SLC44A4: variants seen among roughly 807,000 people sequenced by gnomAD.
The protein encoded by SLC44A4 is solute carrier family 44 member 4, also known as choline transporter-like protein 4.
Under a neutral mutation model 97.0 loss-of-function variants are expected in SLC44A4, and 74 were observed. The observed-to-expected ratio is 0.76, with a 90% CI of 0.63 to 0.93. SLC44A4 has a LOEUF of 0.93. SLC44A4 is among the 40% of genes least tolerant of loss of function. The probability of loss-of-function intolerance (pLI) is 0.00; values close to 1 mark genes in which losing one functional copy is unlikely to be tolerated. For synonymous variants in SLC44A4, 325 were observed against 363.8 expected (o/e 0.89, Z 1.21); for missense variants, 799 against 902.9 (o/e 0.88, Z 1.48).
chr6:31,871,112 C>T (rs567644634), intron 9 of SLC44A4, 65 bp from the exon 10 acceptor site: 2 of 1,444,636 alleles, frequency 1.4e-6, no homozygotes, highest in Non-Finnish European at 9.5e-7. Context: ...CTTACAGAGG[C>T]CCTCCCTGCC....
At position 31,874,439 on chromosome 6, in the gene SLC44A4, G is replaced by A. The variant is rs750699504; in HGVS notation, c.529+21C>T. 1.9e-6 allele frequency: 3 copies of A among 1,612,178 alleles called. No individual in the cohort carries two copies. The East Asian group carries it at 6.7e-5, about 36-fold the overall frequency. On this transcript the variant is annotated intron_variant, in intron 7 of 20. Transcript: ENST00000229729. The surrounding 1 kb of genome is among the most constrained non-coding windows in gnomAD (Gnocchi z 4.8). ...AACACTGGACTAGATGACGTCTGAGGAAGGAATCTGTGCTTCTCACCTGGA... is the reference window on the plus strand; with the variant it reads ...AACACTGGACTAGATGACGTCTGAGAAAGGAATCTGTGCTTCTCACCTGGA...
intron 20 of SLC44A4, among the ~76,000 whole-genome samples, chr6:31,864,247 T>G (rs1229910441): frequency 6.6e-6 from 1 of 152,128 alleles, no homozygotes. Flanking sequence ...GCTAATTTTT[T>G]GTATTTTTAG....
rs1763434838 is a variant in SLC44A4, at chr6:31,876,156, G to A, written c.90-27C>T. The A allele has an allele frequency of 1.3e-6, 2 of 1,592,888 alleles. No homozygotes were observed. Among genetic ancestry groups the A allele is most frequent in the Non-Finnish European group, 1.7e-6 (2 of 1,165,474 alleles). The stretch of plus-strand genomic sequence containing the variant: ...TGAGAGAGAAACGAAACGGGAGGCT[G>A]AGCTAAGGAGACTTGGGGAGGTAGG... On this transcript the variant is annotated intron_variant, in intron 2 of 20. Coordinates refer to ENST00000229729, the MANE Select transcript of SLC44A4 (RefSeq NM_025257.3). The surrounding 1 kb of genome is among the most constrained non-coding windows in gnomAD (Gnocchi z 4.8).
At chr6:31,872,140 T>C (rs1763211334) in intron 7 of SLC44A4, among the ~76,000 whole-genome samples, 1 of 152,184 alleles carries the variant, frequency 6.6e-6, no homozygotes, top group African/African-American at 2.4e-5. Context: ...CCCACCTCCT[T>C]TGGCAACTGT....
At chr6:31,869,861 T>C (rs994073363) in intron 11 of SLC44A4, among the ~76,000 whole-genome samples, 3 of 152,120 alleles carry the variant, frequency 2.0e-5, no homozygotes, top group Non-Finnish European at 2.9e-5. Flanking sequence ...GGCGGGCGCC[T>C]GTAGTGCCAG....
rs5875335 is a variant in SLC44A4, at chr6:31,864,579, C to CAA, written c.2011+71_2011+72dup. Reference sequence around the variant, plus strand: ...ATTGTTTCTAGAAGCACCAAATCTCCAAAAAAAAAAAAAAATGCTTGAACG... The same window carrying CAA: ...ATTGTTTCTAGAAGCACCAAATCTCCAAAAAAAAAAAAAAAAATGCTTGAACG... On this transcript the variant is annotated intron_variant, in intron 20 of 20. Transcript: ENST00000229729. 6.1e-3 allele frequency: 7,613 copies of CAA among 1,251,968 alleles called. 30 individuals are homozygous for CAA. The highest frequency in any genetic ancestry group is 0.042 in the South Asian group (3,261 of 77,734). The allele number at this position is 1,251,968 out of a possible 1,614,324, so 77.6% of individuals were successfully genotyped here. A position where few individuals can be genotyped will look rare whatever the true frequency, so the allele number is the denominator to read the frequency against.
At chr6:31,872,097 C>T (rs1763208756) in intron 7 of SLC44A4, among the ~76,000 whole-genome samples, 1 of 152,162 alleles carries the variant, frequency 6.6e-6, no homozygotes, top group Non-Finnish European at 1.5e-5. Context: ...CCAGCTCCAT[C>T]TCACCTCCTC....
At position 31,870,795 on chromosome 6, in the gene SLC44A4, G is replaced by A. The variant is rs1466205932; in HGVS notation, c.937+17C>T. The A allele has an allele frequency of 1.2e-6, 2 of 1,612,648 alleles. No homozygotes were observed. The highest frequency in any genetic ancestry group is 2.7e-5 in the African/African-American group (2 of 74,930). ...TCCTTGGGCAGCTGGTGGCTTGGGG[G>A]TGGGCAGGACACTCACGGGCGGCCA... On this transcript the variant is annotated intron_variant, in intron 10 of 20. Transcript: ENST00000229729.
In SLC44A4 at chr6:31,874,338, C is replaced by T; in HGVS notation, c.529+122G>A. 1 of 1,059,656 alleles carries T rather than the reference C, an allele frequency of 9.4e-7. No individual in the cohort carries two copies. Among genetic ancestry groups the T allele is most frequent in the Non-Finnish European group, 1.4e-6 (1 of 697,430 alleles). The allele number at this position is 1,059,656 out of a possible 1,614,324, so 65.6% of individuals were successfully genotyped here. Reference sequence around the variant, plus strand: ...CAAAGAGCAAAATGAAGACCTGATGCTAATTCCAATTTTGCCACCAACAAG... The same window carrying T: ...CAAAGAGCAAAATGAAGACCTGATGTTAATTCCAATTTTGCCACCAACAAG... On this transcript the variant is annotated intron_variant, in intron 7 of 20. Transcript: ENST00000229729. The surrounding 1 kb of genome is among the most constrained non-coding windows in gnomAD (Gnocchi z 4.8).
Position 31,864,816 on chromosome 6 carries a change from C to T in SLC44A4, c.1926G>A (p.Met642Ile), listed in dbSNP as rs759747001. ...AGCAGCAGAGAGGGGAGTCACTCAC[C>T]ATGATGGGCAGCCAGTAATAGTTGA... ...PHLNYYWLPI[M>I]TSILGAYVIA... Residue 642 changes from methionine (M) to isoleucine (I), a missense_variant and splice_region_variant, in exon 19 of 21, where the codon ATG becomes ATA. Transcript: ENST00000229729. 2.5e-6 allele frequency: 4 copies of T among 1,613,934 alleles called. No individual in the cohort carries two copies. The highest frequency in any genetic ancestry group is 3.3e-5 in the Admixed American group (2 of 59,990).
At position 31,865,683 on chromosome 6, in the gene SLC44A4, G is replaced by C. The variant is rs774853530; in HGVS notation, c.1582+7C>G. 16 of 1,612,994 alleles carry C rather than the reference G, an allele frequency of 9.9e-6. No homozygotes were observed. Among genetic ancestry groups the C allele is most frequent in the Non-Finnish European group, 1.2e-5 (14 of 1,179,966 alleles). On this transcript the variant is annotated splice_region_variant and intron_variant, in intron 15 of 20. Coordinates refer to ENST00000229729, the MANE Select transcript of SLC44A4 (RefSeq NM_025257.3). This position sits in a 1 kb window ranked among gnomAD's most constrained non-coding sequence, Gnocchi z 5.2. ...GCTCCTGACTCCTACTCCGACTCCA[G>C]ACTCACCTCTGAGCTTGTGGTCAAT...
chr6:31,870,998 G>A lies in SLC44A4; in HGVS notation c.751C>T (p.Arg251Cys), dbSNP rs749880296. 2.4e-5 allele frequency: 38 copies of A among 1,612,336 alleles called. 1 individual carries two copies. The highest frequency in any genetic ancestry group is 1.6e-4 in the Middle Eastern group (1 of 6,084). ...AGCACCAGGGGCCCAGCCACCAGGCGCAGAAGCAAGATAAACAGTAGGCTC... is the reference window on the plus strand; with the variant it reads ...AGCACCAGGGGCCCAGCCACCAGGCACAGAAGCAAGATAAACAGTAGGCTC... ...VLSLLFILLL[R>C]LVAGPLVLVL... The change falls in exon 10 of 21, where the codon CGC (arginine) becomes TGC (cysteine). Residue 251 changes from arginine to cysteine, a missense_variant. This residue lies in a region of SLC44A4 where 409 missense variants were observed against 434.1 expected (regional missense o/e 0.94). Coordinates refer to ENST00000229729, the MANE Select transcript of SLC44A4 (RefSeq NM_025257.3).
rs372075199 is a variant in SLC44A4 at position 31,864,616 on chromosome 6, T to C, written c.2011+36A>G. 330 of 1,594,050 alleles carry C rather than the reference T, an allele frequency of 2.1e-4. No homozygotes were observed. In the African/African-American group the frequency reaches 4.1e-3, roughly 20 times the overall value. ...AAAATGCTTGAACGGCTCAGTACTT[T>C]AAGGTTGGGGACAGGTGGCTGGGGG... On this transcript the variant is annotated intron_variant, in intron 20 of 20. Transcript: ENST00000229729.
In SLC44A4 at chr6:31,878,919, C is replaced by T; in HGVS notation, c.40+22G>A. 2 of 1,613,744 alleles carry T rather than the reference C, an allele frequency of 1.2e-6. No homozygotes were observed. Among genetic ancestry groups the T allele is most frequent in the Non-Finnish European group, 1.7e-6 (2 of 1,179,746 alleles). ...CGTCCTCCCCTCCCTCCACAGGGTC[C>T]CGGGCCTCGCCCCAGTCTCACCGTA... is the stretch of plus-strand genomic sequence containing the variant. On this transcript the variant is annotated intron_variant, in intron 1 of 20. Coordinates refer to ENST00000229729, the MANE Select transcript of SLC44A4 (RefSeq NM_025257.3). This position sits in a 1 kb window ranked among gnomAD's most constrained non-coding sequence, Gnocchi z 4.0.
chr6:31,863,517 G>T lies in SLC44A4; in HGVS notation c.*110C>A, dbSNP rs1762663605. 1.4e-6 allele frequency: 2 copies of T among 1,427,436 alleles called. No individual in the cohort carries two copies. Among genetic ancestry groups the T allele is most frequent in the East Asian group, 2.6e-5 (1 of 38,348 alleles). The allele number at this position is 1,427,436 out of a possible 1,614,324, so 88.4% of individuals were successfully genotyped here. A position where few individuals can be genotyped will look rare whatever the true frequency, so the allele number is the denominator to read the frequency against. ...TTGGATTACAGGCGTGAGCCACGGCGCCTGGCCTAAAACCTTTTTTTACCA... is the reference window on the plus strand; with the variant it reads ...TTGGATTACAGGCGTGAGCCACGGCTCCTGGCCTAAAACCTTTTTTTACCA... On this transcript the variant is annotated 3_prime_UTR_variant, in exon 21 of 21. Coordinates refer to ENST00000229729, the MANE Select transcript of SLC44A4 (RefSeq NM_025257.3).
chr6:31,873,035 C>A (rs1458760205), intron 7 of SLC44A4, among the ~76,000 whole-genome samples: 1 of 152,160 alleles, frequency 6.6e-6, no homozygotes, highest in Non-Finnish European at 1.5e-5. Flanking sequence ...CACCACCACA[C>A]CTGGCTAATT....
Position 31,877,731 on chromosome 6 carries a change from G to T in SLC44A4, c.41-649C>A. 1 of 593,574 alleles carries T rather than the reference G, an allele frequency of 1.7e-6. No individual in the cohort carries two copies. Among genetic ancestry groups the T allele is most frequent in the Non-Finnish European group, 2.1e-6 (1 of 471,780 alleles). The allele number at this position is 593,574 out of a possible 1,614,324, so 36.8% of individuals were successfully genotyped here. ...GCAGTCAGAGTGACACCTGAGCCCA[G>T]CCATAGAGATTGCAGGCACGTTGAG... On this transcript the variant is annotated intron_variant, in intron 1 of 20. Transcript: ENST00000229729. This position sits in a 1 kb window ranked among gnomAD's most constrained non-coding sequence, Gnocchi z 6.5.
intron 4 of SLC44A4, among the ~76,000 whole-genome samples, chr6:31,875,313 C>T (rs759171469): frequency 3.3e-5 from 5 of 152,182 alleles, no homozygotes; most frequent in Non-Finnish European, 7.3e-5. Context: ...CACCTGTTCT[C>T]GGTCTTAGTT....
At chr6:31,873,824 C>T (rs1359119228) in intron 7 of SLC44A4, among the ~76,000 whole-genome samples, 1 of 151,832 alleles carries the variant, frequency 6.6e-6, no homozygotes, top group African/African-American at 2.4e-5. Flanking sequence ...TCTGTAATCC[C>T]AGCACTTTGG....
Sources: allele counts gnomAD v4.1 joint callset (sites outside exome capture counted in the v4.1 genomes callset), GRCh38; gene constraint gnomAD v4.1.1; regional missense constraint gnomAD v4.1.1; non-coding constraint Gnocchi (gnomAD v3.1); transcripts MANE v1.5; gene names NCBI Gene and HGNC (gene_info 2026-07-23, HGNC 2026-07-21).